The following TMPRSS11A variants were observed in gnomAD, a reference collection of about 807,000 sequenced individuals.
The protein encoded by TMPRSS11A is transmembrane serine protease 11A, also known as transmembrane protease serine 11A.
TMPRSS11A carries 53 observed loss-of-function variants against 58.9 expected under a neutral mutation model. The observed-to-expected ratio is 0.90, with a 90% CI of 0.72 to 1.13. The LOEUF (loss-of-function observed/expected upper bound fraction) is 1.13, where lower values mean the gene tolerates loss of function less well. Among genes scored for constraint, TMPRSS11A ranks in the 50% most tolerant of loss-of-function variants. The pLI is 0.00. For missense variants in TMPRSS11A, 493 were observed against 499.3 expected, an observed-to-expected ratio of 0.99 and a Z score of 0.12; for synonymous variants, 167 against 169.8, an observed-to-expected ratio of 0.98 and a Z score of 0.13.
At chr4:67,915,049 G>T (rs1720110086) in intron 8 of TMPRSS11A, among the ~76,000 whole-genome samples, 1 of 151,788 alleles carries the variant, frequency 6.6e-6, no homozygotes, top group African/African-American at 2.4e-5. Context: ...TTTATTTGTG[G>T]GTTCCAGATT....
Position 67,963,472 on chromosome 4 carries a change from A to ATGC in TMPRSS11A, c.-80_-79insGCA. 6.7e-7 allele frequency: 1 copy of ATGC among 1,487,068 alleles called. No homozygotes were observed. The highest frequency in any genetic ancestry group is 1.2e-5 in the South Asian group (1 of 85,626). 92.1% of individuals were successfully genotyped at this position (1,487,068 alleles called of 1,614,324 possible). A position where few individuals can be genotyped will look rare whatever the true frequency, so the allele number is the denominator to read the frequency against. On this transcript the variant is annotated 5_prime_UTR_variant, in exon 1 of 10. Transcript: ENST00000508048. ...CTAATCAACTATATGACATCTCTAGATGTATTAGAAGTCTACGGCTCAAAG... is the reference window on the plus strand; with the variant it reads ...CTAATCAACTATATGACATCTCTAGATGCTGTATTAGAAGTCTACGGCTCAAAG...
At chr4:67,920,866 T>A (rs1720307325) in intron 7 of TMPRSS11A, among the ~76,000 whole-genome samples, 1 of 152,148 alleles carries the variant, frequency 6.6e-6, no homozygotes, top group Non-Finnish European at 1.5e-5. Context: ...ACATACACCA[T>A]GGAATGCTAT....
intron 1 of TMPRSS11A, among the ~76,000 whole-genome samples, chr4:67,960,730 A>C (rs1166220610): frequency 1.3e-5 from 2 of 152,232 alleles, no homozygotes; most frequent in African/African-American, 4.8e-5. Context: ...GCAAATTAAA[A>C]GTTGATTAAA....
intron 8 of TMPRSS11A, 42 bp from the exon 9 acceptor site, chr4:67,914,772 T>C (rs1720103175): frequency 6.4e-7 from 1 of 1,569,714 alleles, no homozygotes; most frequent in Non-Finnish European, 8.7e-7. Flanking sequence ...ACAATCAGCA[T>C]CTTTGGCTAG....
At chr4:67,919,269 C>A in intron 7 of TMPRSS11A, 37 bp from the exon 8 acceptor site, 1 of 1,592,624 alleles carries the variant, frequency 6.3e-7, no homozygotes, top group Non-Finnish European at 8.6e-7. Flanking sequence ...TATATATAAG[C>A]TGCCCAAAGT....
intron 6 of TMPRSS11A, 79 bp downstream of exon 6, chr4:67,924,049 G>T: frequency 8.7e-7 from 1 of 1,155,826 alleles, no homozygotes; most frequent in Non-Finnish European, 1.3e-6. Flanking sequence ...AGGACAGATG[G>T]GCAAGTATGA....
intron 9 of TMPRSS11A, among the ~76,000 whole-genome samples, chr4:67,913,809 G>C: frequency 6.6e-6 from 1 of 152,222 alleles, no homozygotes; most frequent in Non-Finnish European, 1.5e-5. Flanking sequence ...ACTCTGGACA[G>C]GACTTTCTGC....
chr4:67,922,566 TGA>T (rs1720358198), intron 7 of TMPRSS11A, among the ~76,000 whole-genome samples, 187 bp downstream of exon 7: 1 of 152,252 alleles, frequency 6.6e-6, no homozygotes, highest in African/African-American at 2.4e-5. Flanking sequence ...ACTAGGATAA[TGA>T]CTGTTACTTA....
Position 67,911,459 on chromosome 4 carries a change from C to G in TMPRSS11A, c.1140G>C (p.Thr380=), listed in dbSNP as rs762794520. Residue 380 remains threonine (T), a synonymous_variant, in exon 10 of 10, where the codon ACG becomes ACC. Coordinates refer to ENST00000508048, the MANE Select transcript of TMPRSS11A (RefSeq NM_001114387.2). ...AGCTTACAATTCCAATGAGATACCA[C>G]GTATCTTTCAGATCCCTTGTGACTA... is the stretch of plus-strand genomic sequence containing the variant. ...GPLVTRDLKD[T]WYLIGIVSWG... The G allele has an allele frequency of 6.2e-7, 1 of 1,612,854 alleles. No homozygotes were observed. The highest frequency in any genetic ancestry group is 8.5e-7 in the Non-Finnish European group (1 of 1,179,192).
intron 3 of TMPRSS11A, among the ~76,000 whole-genome samples, chr4:67,935,941 T>G (rs1720741796): frequency 6.6e-6 from 1 of 152,136 alleles, no homozygotes; most frequent in Admixed American, 6.6e-5. Context: ...TTGTCTGCCA[T>G]ATATGCACCA....
chr4:67,943,572 T>C (rs1210982456), intron 3 of TMPRSS11A, among the ~76,000 whole-genome samples: 1 of 152,180 alleles, frequency 6.6e-6, no homozygotes, highest in Non-Finnish European at 1.5e-5. Flanking sequence ...GCAAATGCTC[T>C]TTTATAAGAT....
At chr4:67,928,538 T>C (rs1720531542) in intron 5 of TMPRSS11A, among the ~76,000 whole-genome samples, 1 of 152,262 alleles carries the variant, frequency 6.6e-6, no homozygotes, top group Non-Finnish European at 1.5e-5. Flanking sequence ...TAACTATTTA[T>C]TGGAAATTAC....
chr4:67,919,276 A>G (rs747188666), intron 7 of TMPRSS11A, 44 bp from the exon 8 acceptor site: 1 of 1,570,038 alleles, frequency 6.4e-7, no homozygotes, highest in Non-Finnish European at 8.7e-7. Flanking sequence ...AAGCTGCCCA[A>G]AGTATATGAG....
chr4:67,924,980 T>C (rs1333642315), intron 5 of TMPRSS11A, among the ~76,000 whole-genome samples: 1 of 152,048 alleles, frequency 6.6e-6, no homozygotes, highest in Non-Finnish European at 1.5e-5. Context: ...AATCTTTTTT[T>C]TTTTTTTTTT....
chr4:67,918,031 G>A (rs971020698), intron 8 of TMPRSS11A, among the ~76,000 whole-genome samples: 1 of 152,138 alleles, frequency 6.6e-6, no homozygotes, highest in Non-Finnish European at 1.5e-5. Flanking sequence ...CCCTAAAACC[G>A]ATTCCTGCCT....
At chr4:67,944,451 G>A (rs1298372783) in intron 3 of TMPRSS11A, 68 bp downstream of exon 3, 5 of 1,533,906 alleles carry the variant, frequency 3.3e-6, no homozygotes, top group East Asian at 4.5e-5. Context: ...TTTAGAAATG[G>A]AGAAATGATC....
rs1315500030 is a variant in TMPRSS11A at position 67,946,557 on chromosome 4, C to T, written c.26G>A (p.Gly9Asp). The T allele has an allele frequency of 1.9e-6, 3 of 1,610,994 alleles. No homozygotes were observed. Among genetic ancestry groups the T allele is most frequent in the Non-Finnish European group, 2.5e-6 (3 of 1,178,676 alleles). The change falls in exon 2 of 10, where the codon GGC becomes GAC. Residue 9 changes from glycine (G) to aspartate (D), a missense_variant. Transcript: ENST00000508048. Reference sequence around the variant, plus strand: ...TGGCTTCAGATTTCTGCTTCGGGTGCCAAATCCCACTGTCCTGAGAAAAGG... The same window carrying T: ...TGGCTTCAGATTTCTGCTTCGGGTGTCAAATCCCACTGTCCTGAGAAAAGG... MMYRTVGF[G>D]TRSRNLKPWM...
intron 8 of TMPRSS11A, among the ~76,000 whole-genome samples, chr4:67,915,608 C>T (rs775037023): frequency 1.4e-4 from 22 of 152,166 alleles, no homozygotes; most frequent in Admixed American, 3.3e-4. Flanking sequence ...CAAAGGTGGG[C>T]CTGACCTAAT....
At chr4:67,937,103 T>C (rs1045577804) in intron 3 of TMPRSS11A, among the ~76,000 whole-genome samples, 1 of 152,226 alleles carries the variant, frequency 6.6e-6, no homozygotes, top group Non-Finnish European at 1.5e-5. Context: ...TGCTGAATGA[T>C]GATGATAAAC....
Sources: allele counts gnomAD v4.1 joint callset (sites outside exome capture counted in the v4.1 genomes callset), GRCh38; gene constraint gnomAD v4.1.1; transcripts MANE v1.5; gene names NCBI Gene and HGNC (gene_info 2026-07-23, HGNC 2026-07-21).